Variants in EPM2AIP1 observed in about 807,000 individuals in gnomAD.
EPM2AIP1 encodes EPM2A interacting protein 1, also known as EPM2A-interacting protein 1.
Under a neutral mutation model 44.8 loss-of-function variants are expected in EPM2AIP1, and 23 were observed. The ratio of observed to expected loss-of-function variants is 0.51; its 90% CI spans 0.37 to 0.73. The LOEUF (loss-of-function observed/expected upper bound fraction) is 0.73, where lower values mean the gene tolerates loss of function less well. Among genes scored for constraint, EPM2AIP1 ranks in the 30% least tolerant of loss-of-function variants. The pLI is 0.00. For synonymous variants in EPM2AIP1, 311 were observed against 284.3 expected (o/e 1.09, Z -0.94); for missense variants, 652 against 743.9 (o/e 0.88, Z 1.44).
rs1180583580 is a variant in EPM2AIP1 at position 36,991,172 on chromosome 3, TTAG to T, written c.*79_*81del. 6.7e-7 allele frequency: 1 copy of T among 1,492,920 alleles called. No homozygotes were observed. Among genetic ancestry groups the T allele is most frequent in the East Asian group, 2.3e-5 (1 of 43,930 alleles). The allele number at this position is 1,492,920 out of a possible 1,614,324, so 92.5% of individuals were successfully genotyped here. On this transcript the variant is annotated 3_prime_UTR_variant, in exon 1 of 1. Transcript: ENST00000322716. ...ACTTGGTACTTTCTCACAATCCAAA[TTAG>T]TAAACTTGAAAACTCAAACCAATTT...
Position 36,986,088 on chromosome 3 carries a change from C to T in EPM2AIP1, c.*5166G>A, listed in dbSNP as rs938625004. 1 of 152,156 alleles carries T rather than the reference C, an allele frequency of 6.6e-6. No homozygotes were observed. Among genetic ancestry groups the T allele is most frequent in the Non-Finnish European group, 1.5e-5 (1 of 68,036 alleles). The allele number at this position is 152,156 out of a possible 1,614,324, so 9.4% of individuals were successfully genotyped here. On this transcript the variant is annotated 3_prime_UTR_variant, in exon 1 of 1. Coordinates refer to ENST00000322716, the MANE Select transcript of EPM2AIP1 (RefSeq NM_014805.4). The stretch of plus-strand genomic sequence containing the variant: ...CCTTGTTTTTTAAAATGCTAAAATA[C>T]TGAACACTGGCTTAATGGTTAGCTG...
rs1218706787 is a variant in EPM2AIP1, at chr3:36,987,155, G to A, written c.*4099C>T. 6.6e-6 allele frequency: 1 copy of A among 152,522 alleles called. No individual in the cohort carries two copies. Among genetic ancestry groups the A allele is most frequent in the Non-Finnish European group, 1.5e-5 (1 of 68,014 alleles). 9.4% of individuals were successfully genotyped at this position (152,522 alleles called of 1,614,324 possible). On this transcript the variant is annotated 3_prime_UTR_variant, in exon 1 of 1. Transcript: ENST00000322716. ...AAAACAAGTGAACTGAATATATAGT[G>A]ACCAGAAGGGCTGAGTCAGTCTTCT...
rs1357453651 is a variant in EPM2AIP1 at position 36,992,533 on chromosome 3, T to C, written c.545A>G (p.Gln182Arg). ...GTAGTTCTCATAGGCCACAAAAGCC[T>C]GGTCGTCCAAGGCAAGAGAATAGGC... Reference protein sequence around the residue: ...FKAYSLALDDQAFVAYENYLL... With the variant: ...FKAYSLALDDRAFVAYENYLL... The change falls in exon 1 of 1, where the codon CAG becomes CGG. Residue 182 changes from glutamine to arginine, a missense_variant. By Grantham distance (43) the Gln-to-Arg change is conservative (BLOSUM62 1). Coordinates refer to ENST00000322716, the MANE Select transcript of EPM2AIP1 (RefSeq NM_014805.4). The surrounding 1 kb of genome is among the most constrained non-coding windows in gnomAD (Gnocchi z 5.3). 1 of 1,614,038 alleles carries C rather than the reference T, an allele frequency of 6.2e-7. No homozygotes were observed. Among genetic ancestry groups the C allele is most frequent in the South Asian group, 1.1e-5 (1 of 91,088 alleles).
rs1239097135 is a variant in EPM2AIP1, at chr3:36,987,845, T to C, written c.*3409A>G. The C allele has an allele frequency of 1.3e-5, 2 of 152,212 alleles. No homozygotes were observed. Among genetic ancestry groups the C allele is most frequent in the Non-Finnish European group, 2.9e-5 (2 of 68,040 alleles). The allele number at this position is 152,212 out of a possible 1,614,324, so 9.4% of individuals were successfully genotyped here. ...TAAGACTGTGAAAGAGCTTCAAAAA[T>C]TGTAAAACACTACACAAATATTCGT... On this transcript the variant is annotated 3_prime_UTR_variant, in exon 1 of 1. Coordinates refer to ENST00000322716, the MANE Select transcript of EPM2AIP1 (RefSeq NM_014805.4).
rs912938112 is a variant in EPM2AIP1 at position 36,989,154 on chromosome 3, G to T, written c.*2100C>A. 6.6e-6 allele frequency: 1 copy of T among 151,928 alleles called. No individual in the cohort carries two copies. Among genetic ancestry groups the T allele is most frequent in the African/African-American group, 2.4e-5 (1 of 41,470 alleles). 9.4% of individuals were successfully genotyped at this position (151,928 alleles called of 1,614,324 possible). On this transcript the variant is annotated 3_prime_UTR_variant, in exon 1 of 1. Transcript: ENST00000322716. ...AAAACATACTGGAATTTCACAAAAT[G>T]TACAAGATTTCAATATTTAAGGAAC...
rs1452468966 is a variant in EPM2AIP1, at chr3:36,989,492, C to G, written c.*1762G>C. ...ATTTACAAGTGCTATGGTGAGCTAA[C>G]AGAACTTATCAATGCCTTTATTGCA... On this transcript the variant is annotated 3_prime_UTR_variant, in exon 1 of 1. Transcript: ENST00000322716. 1 of 151,770 alleles carries G rather than the reference C, an allele frequency of 6.6e-6. No individual in the cohort carries two copies. The highest frequency in any genetic ancestry group is 2.4e-5 in the African/African-American group (1 of 41,304). 9.4% of individuals were successfully genotyped at this position (151,770 alleles called of 1,614,324 possible).
Position 36,991,312 on chromosome 3 carries a change from G to C in EPM2AIP1, c.1766C>G (p.Thr589Ser). The C allele has an allele frequency of 1.2e-6, 2 of 1,613,884 alleles. No homozygotes were observed. The highest frequency in any genetic ancestry group is 1.7e-6 in the Non-Finnish European group (2 of 1,179,816). ...HLQALFRVAT[T>S]EMEPGWDDLV... ...GTCATCCCAACCGGGCTCCATTTCA[G>C]TTGTGGCAACCCGAAACAGGGCTTG... Residue 589 changes from threonine (T) to serine (S), a missense_variant, in exon 1 of 1, where the codon ACT becomes AGT. Thr to Ser is a moderately conservative substitution (Grantham distance 58). Coordinates refer to ENST00000322716, the MANE Select transcript of EPM2AIP1 (RefSeq NM_014805.4).
chr3:36,986,598 C>T lies in EPM2AIP1; in HGVS notation c.*4656G>A, dbSNP rs114757958. The T allele has an allele frequency of 6.6e-6, 1 of 151,734 alleles. No homozygotes were observed. The highest frequency in any genetic ancestry group is 2.4e-5 in the African/African-American group (1 of 41,258). 9.4% of individuals were successfully genotyped at this position (151,734 alleles called of 1,614,324 possible). On this transcript the variant is annotated 3_prime_UTR_variant, in exon 1 of 1. Coordinates refer to ENST00000322716, the MANE Select transcript of EPM2AIP1 (RefSeq NM_014805.4). The stretch of plus-strand genomic sequence containing the variant: ...GAATTCGAGACTAGCCTGGGGAATA[C>T]AGCAAGACCCTGTCTCCACATAAAA...
Position 36,990,731 on chromosome 3 carries a change from TAAAA to T in EPM2AIP1, c.*519_*522del, listed in dbSNP as rs1336655287. On this transcript the variant is annotated 3_prime_UTR_variant, in exon 1 of 1. Transcript: ENST00000322716. ...TATTACCTTCGAACTCAGAAATGTT[TAAAA>T]AAAAGTCTCAAACATTTTGATGGTT... 2.0e-6 allele frequency: 2 copies of T among 985,094 alleles called. No homozygotes were observed. Among genetic ancestry groups the T allele is most frequent in the Non-Finnish European group, 1.2e-6 (1 of 829,610 alleles). The allele number at this position is 985,094 out of a possible 1,614,324, so 61.0% of individuals were successfully genotyped here. A position where few individuals can be genotyped will look rare whatever the true frequency, so the allele number is the denominator to read the frequency against.
At position 36,989,415 on chromosome 3, in the gene EPM2AIP1, AATATGT is replaced by A. The variant is rs1017758302; in HGVS notation, c.*1833_*1838del. The A allele has an allele frequency of 3.3e-5, 5 of 151,976 alleles. No individual in the cohort carries two copies. The highest frequency in any genetic ancestry group is 1.2e-4 in the African/African-American group (5 of 41,390). 9.4% of individuals were successfully genotyped at this position (151,976 alleles called of 1,614,324 possible). A position where few individuals can be genotyped will look rare whatever the true frequency, so the allele number is the denominator to read the frequency against. The stretch of plus-strand genomic sequence containing the variant: ...GACATGTAACTTTTTTTCTGCCTTA[AATATGT>A]ATAACAGGACAGAGCCCTTAAATCT... On this transcript the variant is annotated 3_prime_UTR_variant, in exon 1 of 1. Coordinates refer to ENST00000322716, the MANE Select transcript of EPM2AIP1 (RefSeq NM_014805.4).
chr3:36,992,178 G>T lies in EPM2AIP1; in HGVS notation c.900C>A (p.Thr300=). Residue 300 remains threonine (T), a synonymous_variant, in exon 1 of 1, where the codon ACC becomes ACA. Coordinates refer to ENST00000322716, the MANE Select transcript of EPM2AIP1 (RefSeq NM_014805.4). The surrounding 1 kb of genome is among the most constrained non-coding windows in gnomAD (Gnocchi z 5.3). ...TAATCAAAACTATCCATTCGGATATGGTATTTATGATCTGATTAACATCTA... is the reference window on the plus strand; with the variant it reads ...TAATCAAAACTATCCATTCGGATATTGTATTTATGATCTGATTAACATCTA... The part of the protein sequence containing the change: ...YDVDVNQIIN[T]ISEWIVLIKT... 2.5e-6 allele frequency: 4 copies of T among 1,613,914 alleles called. No homozygotes were observed. The highest frequency in any genetic ancestry group is 3.4e-6 in the Non-Finnish European group (4 of 1,179,808).
chr3:36,989,311 C>T lies in EPM2AIP1; in HGVS notation c.*1943G>A, dbSNP rs1342053615. ...TCTGTTTTTTTTTTTCGGTTTTCCACTATGTTGTTTCTCTAGATATGTAAG... is the reference window on the plus strand; with the variant it reads ...TCTGTTTTTTTTTTTCGGTTTTCCATTATGTTGTTTCTCTAGATATGTAAG... On this transcript the variant is annotated 3_prime_UTR_variant, in exon 1 of 1. Transcript: ENST00000322716. 1.3e-5 allele frequency: 2 copies of T among 151,188 alleles called. No homozygotes were observed. Among genetic ancestry groups the T allele is most frequent in the South Asian group, 2.1e-4 (1 of 4,804 alleles). The allele number at this position is 151,188 out of a possible 1,614,324, so 9.4% of individuals were successfully genotyped here.
chr3:36,991,213 T>C lies in EPM2AIP1; in HGVS notation c.*41A>G. On this transcript the variant is annotated 3_prime_UTR_variant, in exon 1 of 1. Transcript: ENST00000322716. ...CTCAAACCAATTTTTGCTTTTAGAATTAAATTCTTGTTGAGTTTTTCAATC... is the reference window on the plus strand; with the variant it reads ...CTCAAACCAATTTTTGCTTTTAGAACTAAATTCTTGTTGAGTTTTTCAATC... 1 of 1,509,946 alleles carries C rather than the reference T, an allele frequency of 6.6e-7. No homozygotes were observed. The highest frequency in any genetic ancestry group is 8.9e-7 in the Non-Finnish European group (1 of 1,127,930). The allele number at this position is 1,509,946 out of a possible 1,614,324, so 93.5% of individuals were successfully genotyped here. A position where few individuals can be genotyped will look rare whatever the true frequency, so the allele number is the denominator to read the frequency against.
rs1431076951 is a variant in EPM2AIP1, at chr3:36,990,217, G to A, written c.*1037C>T. The A allele has an allele frequency of 6.2e-6, 1 of 160,488 alleles. No homozygotes were observed. The highest frequency in any genetic ancestry group is 1.3e-5 in the Non-Finnish European group (1 of 75,616). 9.9% of individuals were successfully genotyped at this position (160,488 alleles called of 1,614,324 possible). On this transcript the variant is annotated 3_prime_UTR_variant, in exon 1 of 1. Coordinates refer to ENST00000322716, the MANE Select transcript of EPM2AIP1 (RefSeq NM_014805.4). ...GTGTGCTATCTTACATATAGAATGT[G>A]TACGACAGTTCCAAATTTTAGAATA... is the stretch of plus-strand genomic sequence containing the variant.
chr3:36,990,141 T>C lies in EPM2AIP1; in HGVS notation c.*1113A>G, dbSNP rs1003982319. The C allele has an allele frequency of 2.6e-5, 4 of 152,376 alleles. No individual in the cohort carries two copies. Among genetic ancestry groups the C allele is most frequent in the African/African-American group, 9.7e-5 (4 of 41,440 alleles). The allele number at this position is 152,376 out of a possible 1,614,324, so 9.4% of individuals were successfully genotyped here. A position where few individuals can be genotyped will look rare whatever the true frequency, so the allele number is the denominator to read the frequency against. ...ACAAAGCAGATTATCTTAGTAGAAATACAGAATTACTGCAATCTGTGAATA... is the reference window on the plus strand; with the variant it reads ...ACAAAGCAGATTATCTTAGTAGAAACACAGAATTACTGCAATCTGTGAATA... On this transcript the variant is annotated 3_prime_UTR_variant, in exon 1 of 1. Coordinates refer to ENST00000322716, the MANE Select transcript of EPM2AIP1 (RefSeq NM_014805.4).
chr3:36,985,445 G>GT lies in EPM2AIP1; in HGVS notation c.*5808dup, dbSNP rs1354708865. The stretch of plus-strand genomic sequence containing the variant: ...CGGTACACTTTTAAATTTTACCTCA[G>GT]TAACAAGTTGAAAATATATTGGAAG... On this transcript the variant is annotated 3_prime_UTR_variant, in exon 1 of 1. Transcript: ENST00000322716. 1.3e-5 allele frequency: 2 copies of GT among 152,182 alleles called. No individual in the cohort carries two copies. The highest frequency in any genetic ancestry group is 4.8e-5 in the African/African-American group (2 of 41,442). 9.4% of individuals were successfully genotyped at this position (152,182 alleles called of 1,614,324 possible).
rs1305843294 is a variant in EPM2AIP1, at chr3:36,989,251, T to C, written c.*2003A>G. The C allele has an allele frequency of 6.6e-6, 1 of 151,990 alleles. No homozygotes were observed. The highest frequency in any genetic ancestry group is 1.5e-5 in the Non-Finnish European group (1 of 67,962). 9.4% of individuals were successfully genotyped at this position (151,990 alleles called of 1,614,324 possible). A position where few individuals can be genotyped will look rare whatever the true frequency, so the allele number is the denominator to read the frequency against. ...TCAAGTAATAAAGCTCTGCTGTGAA[T>C]ATTCAAAGCTATTGGGAAATTACCG... On this transcript the variant is annotated 3_prime_UTR_variant, in exon 1 of 1. Transcript: ENST00000322716.
chr3:36,985,629 T>A lies in EPM2AIP1; in HGVS notation c.*5625A>T, dbSNP rs530564947. The A allele has an allele frequency of 3.3e-5, 5 of 152,376 alleles. No individual in the cohort carries two copies. The South Asian group carries it at 1.0e-3, about 32-fold the overall frequency. 9.4% of individuals were successfully genotyped at this position (152,376 alleles called of 1,614,324 possible). A position where few individuals can be genotyped will look rare whatever the true frequency, so the allele number is the denominator to read the frequency against. On this transcript the variant is annotated 3_prime_UTR_variant, in exon 1 of 1. Transcript: ENST00000322716. ...AGTCCTTTAAGAGTCCTTAAGTGAT[T>A]TGCCATACTCTTTTTTCATTTCCCA...
In EPM2AIP1 at chr3:36,992,024, A is replaced by G. The variant is rs776125272; in HGVS notation, c.1054T>C (p.Phe352Leu). ...LRRGKTLKLI[F>L]SLRKEMEAFL... The stretch of plus-strand genomic sequence containing the variant: ...GCTTCCATTTCTTTTCTTAGAGAGA[A>G]TATTAGTTTTAAAGTTTTCCCTCTC... Residue 352 changes from phenylalanine (F) to leucine (L), a missense_variant, in exon 1 of 1, where the codon TTC becomes CTC. By Grantham distance (22) the Phe-to-Leu change is conservative (BLOSUM62 0). Coordinates refer to ENST00000322716, the MANE Select transcript of EPM2AIP1 (RefSeq NM_014805.4). This position sits in a 1 kb window ranked among gnomAD's most constrained non-coding sequence, Gnocchi z 5.3. 2 of 1,613,754 alleles carry G rather than the reference A, an allele frequency of 1.2e-6. No homozygotes were observed. Among genetic ancestry groups the G allele is most frequent in the Non-Finnish European group, 1.7e-6 (2 of 1,179,882 alleles).
Sources: allele counts gnomAD v4.1 joint callset, GRCh38; gene constraint gnomAD v4.1.1; non-coding constraint Gnocchi (gnomAD v3.1); transcripts MANE v1.5; gene names NCBI Gene and HGNC (gene_info 2026-07-23, HGNC 2026-07-21).